CADM2: variants seen among roughly 807,000 people sequenced by gnomAD.
CADM2 encodes the protein cell adhesion molecule 2, also known as immunoglobulin superfamily member 4D.
Under a neutral mutation model 49.8 loss-of-function variants are expected in CADM2, and 12 were observed. That is an observed-to-expected ratio of 0.24 (90% CI 0.15 to 0.39). The LOEUF (loss-of-function observed/expected upper bound fraction) is 0.39, where lower values mean the gene tolerates loss of function less well. Among genes scored for constraint, CADM2 ranks in the 10% least tolerant of loss-of-function variants. CADM2 has a pLI of 1.00. For missense variants in CADM2, 378 were observed against 492.3 expected (o/e 0.77, Z 2.20); for synonymous variants, 214 against 175.4 (o/e 1.22, Z -1.74).
At chr3:85,321,149 T>G (rs1326570672) in intron 1 of CADM2, among the ~76,000 whole-genome samples, 1 of 47,094 alleles carries the variant, frequency 2.1e-5, no homozygotes, top group Non-Finnish European at 3.7e-5. Context: ...TTTTTTTTTT[T>G]TTTTTTTTTT....
At chr3:86,010,608 G>A (rs1193254171) in intron 8 of CADM2, among the ~76,000 whole-genome samples, 1 of 151,082 alleles carries the variant, frequency 6.6e-6, no homozygotes, top group East Asian at 1.9e-4. Context: ...GAAAATTTAT[G>A]TGTCAAACAT....
At chr3:85,321,116 A>ATTTTTT (rs1157576505) in intron 1 of CADM2, among the ~76,000 whole-genome samples, 5 of 27,494 alleles carry the variant, frequency 1.8e-4, no homozygotes, top group Admixed American at 6.2e-4. Flanking sequence ...ATATATATAT[A>ATTTTTT]TTTTTTTTTT....
chr3:85,721,958 A>T (rs535887172), intron 1 of CADM2, among the ~76,000 whole-genome samples: 44 of 152,274 alleles, frequency 2.9e-4, no homozygotes, highest in Middle Eastern at 6.8e-3. Context: ...AGCTTTATTG[A>T]GCAACAATAG....
intron 1 of CADM2, among the ~76,000 whole-genome samples, chr3:85,144,620 A>AAAAG (rs60207038): frequency 0.15 from 20,048 of 136,110 alleles, 2,247 homozygotes; most frequent in African/African-American, 0.31. Context: ...TCAAAAAAAA[A>AAAAG]AAAGAAAGAA....
chr3:85,488,563 C>T (rs772731093), intron 1 of CADM2, among the ~76,000 whole-genome samples: 8 of 151,948 alleles, frequency 5.3e-5, no homozygotes, highest in South Asian at 2.1e-4. Flanking sequence ...GAGGGATTCT[C>T]GCTCTGTCAC....
intron 6 of CADM2, among the ~76,000 whole-genome samples, chr3:85,919,363 A>C (rs1000142877): frequency 2.0e-5 from 3 of 151,984 alleles, no homozygotes; most frequent in African/African-American, 7.2e-5. Flanking sequence ...AATTCTGAGT[A>C]TCAAGGAAAG....
At chr3:85,296,695 A>T (rs1348983478) in intron 1 of CADM2, among the ~76,000 whole-genome samples, 2 of 152,100 alleles carry the variant, frequency 1.3e-5, no homozygotes, top group South Asian at 2.1e-4. Context: ...CATTCTCATT[A>T]TTCCCTTTTA....
intron 1 of CADM2, among the ~76,000 whole-genome samples, chr3:85,347,972 T>A (rs546423150): frequency 5.3e-5 from 8 of 152,200 alleles, no homozygotes; most frequent in Non-Finnish European, 1.0e-4. Context: ...TGCGCCTGGC[T>A]AATTTTTTGT....
intron 8 of CADM2, among the ~76,000 whole-genome samples, chr3:86,039,335 C>G (rs1044622632): frequency 2.0e-5 from 3 of 152,074 alleles, no homozygotes; most frequent in African/African-American, 7.2e-5. Flanking sequence ...CTTTCCTAGT[C>G]AAAGAAAGAG....
chr3:85,525,083 C>T (rs1158446047), intron 1 of CADM2, among the ~76,000 whole-genome samples: 5 of 152,104 alleles, frequency 3.3e-5, no homozygotes, highest in African/African-American at 1.2e-4. Flanking sequence ...TGCGGCAAAC[C>T]ACAATGGCAC....
rs78024317 is a variant in CADM2, at chr3:86,050,592, A to G, written c.971-15013A>G. On this transcript the variant is annotated intron_variant, in intron 8 of 9. Coordinates refer to ENST00000383699, the MANE Select transcript of CADM2 (RefSeq NM_001167675.2). Reference sequence around the variant, plus strand: ...TGGCCACTGAAGCAGGCTTCTGCCTAGACATCCAGGCTTTTCCATACATCC... The same window carrying G: ...TGGCCACTGAAGCAGGCTTCTGCCTGGACATCCAGGCTTTTCCATACATCC... Among the ~76,000 whole-genome samples, 1,728 of 152,290 alleles carry G rather than the reference A, an allele frequency of 0.011. 82 individuals are homozygous for G. In the East Asian group the frequency reaches 0.13, roughly 11 times the overall value.
At chr3:85,616,896 C>G (rs1322740055) in intron 1 of CADM2, among the ~76,000 whole-genome samples, 1 of 152,048 alleles carries the variant, frequency 6.6e-6, no homozygotes, top group Non-Finnish European at 1.5e-5. Flanking sequence ...GAAATACTAA[C>G]AAACTTGGCT....
intron 1 of CADM2, among the ~76,000 whole-genome samples, chr3:85,184,746 C>G (rs917216350): frequency 6.6e-6 from 1 of 151,934 alleles, no homozygotes; most frequent in African/African-American, 2.4e-5. Flanking sequence ...GAAAATGAAG[C>G]TTATTGTATA....
At chr3:84,986,493 T>C (rs187726280) in intron 1 of CADM2, among the ~76,000 whole-genome samples, 1 of 152,020 alleles carries the variant, frequency 6.6e-6, no homozygotes, top group East Asian at 1.9e-4. Flanking sequence ...TTGTTAAAAA[T>C]GGACCTTGAA....
At chr3:86,017,790 T>C (rs1732485948) in intron 8 of CADM2, among the ~76,000 whole-genome samples, 2 of 150,700 alleles carry the variant, frequency 1.3e-5, no homozygotes, top group African/African-American at 4.9e-5. Flanking sequence ...TAAATTGCAA[T>C]TGGCTTAGGA....
intron 1 of CADM2, among the ~76,000 whole-genome samples, chr3:85,211,427 G>T (rs1027999553): frequency 3.9e-5 from 6 of 151,986 alleles, no homozygotes; most frequent in Admixed American, 1.3e-4. Context: ...GGCACTTATT[G>T]CTATAAACTT....
At chr3:85,399,253 C>G (rs1012822419) in intron 1 of CADM2, among the ~76,000 whole-genome samples, 1 of 152,158 alleles carries the variant, frequency 6.6e-6, no homozygotes, top group Non-Finnish European at 1.5e-5. Flanking sequence ...GGAATCCTTT[C>G]CCCATTGCTT....
chr3:85,851,589 C>T (rs1270192551), intron 3 of CADM2, among the ~76,000 whole-genome samples: 1 of 149,892 alleles, frequency 6.7e-6, no homozygotes, highest in Non-Finnish European at 1.5e-5. Context: ...ATAAGCACAG[C>T]TTAATATAAA....
intron 1 of CADM2, among the ~76,000 whole-genome samples, chr3:85,662,473 A>G (rs1443823765): frequency 6.6e-6 from 1 of 151,960 alleles, no homozygotes; most frequent in Non-Finnish European, 1.5e-5. Context: ...TTCGTAAAAT[A>G]GAAAACTTCT....
Sources: gnomAD v4.1 joint callset for allele counts (sites outside exome capture counted in the v4.1 genomes callset) on GRCh38, gnomAD v4.1.1 for gene constraint, MANE v1.5 for transcripts, NCBI Gene and HGNC (gene_info 2026-07-23, HGNC 2026-07-21) for gene names.